GRSF1: variants seen among roughly 807,000 people sequenced by gnomAD.
GRSF1 encodes the protein G-rich sequence factor 1.
Under a neutral mutation model 51.1 loss-of-function variants are expected in GRSF1, and 50 were observed. The observed-to-expected ratio is 0.98, with a 90% CI of 0.78 to 1.24. GRSF1 has a LOEUF of 1.24. GRSF1 is among the 50% of genes most tolerant of loss of function. The pLI, the probability that GRSF1 is intolerant of heterozygous loss-of-function variation, is 0.00. For synonymous variants in GRSF1, 293 were observed against 253.3 expected (o/e 1.16, Z -1.49); for missense variants, 700 against 639.7 (o/e 1.09, Z -1.02).
In GRSF1 at chr4:70,828,058, C is replaced by A. The variant is rs770268362; in HGVS notation, c.951-22G>T. On this transcript the variant is annotated intron_variant, in intron 5 of 9. Transcript: ENST00000254799. Reference sequence around the variant, plus strand: ...GTATCTATGTCAAAGCAAAAGTAAACAGGCACAAATGGTGCAAAGTAACTT... The same window carrying A: ...GTATCTATGTCAAAGCAAAAGTAAAAAGGCACAAATGGTGCAAAGTAACTT... 1.9e-6 allele frequency: 3 copies of A among 1,585,832 alleles called. No individual in the cohort carries two copies. In the African/African-American group the frequency reaches 4.0e-5, roughly 21 times the overall value.
At chr4:70,830,118 G>C (rs1353551892) in intron 5 of GRSF1, among the ~76,000 whole-genome samples, 1 of 152,048 alleles carries the variant, frequency 6.6e-6, no homozygotes, top group East Asian at 1.9e-4. Context: ...TAAGTAAGGG[G>C]GATTTGCTCT....
At chr4:70,823,084 A>C (rs1246496492) in intron 9 of GRSF1, among the ~76,000 whole-genome samples, 1 of 151,964 alleles carries the variant, frequency 6.6e-6, no homozygotes, top group Non-Finnish European at 1.5e-5. Flanking sequence ...TCAACAAAGC[A>C]AGACTCTGTC....
chr4:70,826,627 C>G (rs1733748245), intron 6 of GRSF1, among the ~76,000 whole-genome samples: 1 of 151,686 alleles, frequency 6.6e-6, no homozygotes, highest in African/African-American at 2.4e-5. Flanking sequence ...ATCACTTGAG[C>G]CCAGGAGTTC....
Position 70,827,895 on chromosome 4 carries a change from C to G in GRSF1, c.1092G>C (p.Glu364Asp), listed in dbSNP as rs1733798636. 1 of 1,613,220 alleles carries G rather than the reference C, an allele frequency of 6.2e-7. No individual in the cohort carries two copies. The highest frequency in any genetic ancestry group is 8.5e-7 in the Non-Finnish European group (1 of 1,179,470). ...EMVFEEHEVN[E>D]DIQPMTAFES... ...CAAAAGCTGTCATGGGTTGAATATC[C>G]TCATTTACTTCATGTTCTTCAAAGA... is the stretch of plus-strand genomic sequence containing the variant. Residue 364 changes from glutamate to aspartate, a missense_variant, in exon 6 of 10, where the codon GAG (glutamate) becomes GAC (aspartate). By Grantham distance (45) the Glu-to-Asp change is conservative. Coordinates refer to ENST00000254799, the MANE Select transcript of GRSF1 (RefSeq NM_002092.4).
chr4:70,837,885 C>A (rs1734281849), intron 1 of GRSF1, among the ~76,000 whole-genome samples: 1 of 151,712 alleles, frequency 6.6e-6, no homozygotes, highest in Non-Finnish European at 1.5e-5. Context: ...GGTGATCCAC[C>A]CGCCGCAGCC....
chr4:70,830,991 G>A (rs1042464051), intron 5 of GRSF1, among the ~76,000 whole-genome samples: 4 of 152,238 alleles, frequency 2.6e-5, no homozygotes, highest in African/African-American at 9.6e-5. Context: ...TATAACAGAT[G>A]TTACATTTTA....
intron 1 of GRSF1, among the ~76,000 whole-genome samples, chr4:70,837,615 ATCTTTC>A (rs1734269899): frequency 6.7e-6 from 1 of 149,842 alleles, no homozygotes; most frequent in Admixed American, 6.6e-5. Flanking sequence ...GGACAGAGAT[ATCTTTC>A]TACTATCTGT....
chr4:70,832,368 C>G lies in GRSF1; in HGVS notation c.753G>C (p.Val251=), dbSNP rs751437520. 1 of 1,612,654 alleles carries G rather than the reference C, an allele frequency of 6.2e-7. No homozygotes were observed. The highest frequency in any genetic ancestry group is 1.1e-5 in the South Asian group (1 of 91,042). The stretch of plus-strand genomic sequence containing the variant: ...TATAAGGAAGTCCTCTCAAACGAAC[C>G]ACACCATCATTTACCACAGGCGAAG... ...VKSSPVVNDG[V]VRLRGLPYSC... The change falls in exon 4 of 10, where the codon GTG becomes GTC. Residue 251 remains valine, a synonymous_variant. Coordinates refer to ENST00000254799, the MANE Select transcript of GRSF1 (RefSeq NM_002092.4).
Position 70,839,531 on chromosome 4 carries a change from G to C in GRSF1, c.297C>G (p.Ala99=). 6.9e-7 allele frequency: 1 copy of C among 1,449,398 alleles called. No homozygotes were observed. Among genetic ancestry groups the C allele is most frequent in the Non-Finnish European group, 9.0e-7 (1 of 1,106,660 alleles). 89.8% of individuals were successfully genotyped at this position (1,449,398 alleles called of 1,614,324 possible). A position where few individuals can be genotyped will look rare whatever the true frequency, so the allele number is the denominator to read the frequency against. ...AAAASYSALR[A]SLLPQSLAAA... ...CCGCCAGCGACTGCGGCAGCAGAGAGGCACGGAGGGCAGAGTAGGACGCGG... is the reference window on the plus strand; with the variant it reads ...CCGCCAGCGACTGCGGCAGCAGAGACGCACGGAGGGCAGAGTAGGACGCGG... Residue 99 remains alanine, a synonymous_variant, in exon 1 of 10, where the codon GCC becomes GCG. Transcript: ENST00000254799.
chr4:70,829,274 G>C (rs1022155800), intron 5 of GRSF1, among the ~76,000 whole-genome samples: 1 of 151,646 alleles, frequency 6.6e-6, no homozygotes. Flanking sequence ...GATTAGATGA[G>C]CACTACTTCT....
chr4:70,842,028 G>T (rs1432438588), upstream of GRSF1, among the ~76,000 whole-genome samples: 1 of 152,206 alleles, frequency 6.6e-6, no homozygotes, highest in East Asian at 1.9e-4. Context: ...AGACAGCCTG[G>T]CTGGGAGAGG....
intron 9 of GRSF1, among the ~76,000 whole-genome samples, chr4:70,821,667 T>C (rs1204294055): frequency 8.1e-6 from 1 of 123,630 alleles, no homozygotes; most frequent in Non-Finnish European, 1.6e-5. Flanking sequence ...CCGTGTTTTT[T>C]TGTTCCTTTT....
intron 7 of GRSF1, 108 bp downstream of exon 7, chr4:70,826,016 A>C: frequency 1.1e-6 from 1 of 897,982 alleles, no homozygotes; most frequent in Non-Finnish European, 1.7e-6. Context: ...CTTACTATCC[A>C]ACGCAGAAAC....
At position 70,825,295 on chromosome 4, in the gene GRSF1, C is replaced by G. The variant is rs780190725; in HGVS notation, c.1393+1G>C. The G allele has an allele frequency of 2.5e-6, 4 of 1,599,568 alleles. No individual in the cohort carries two copies. Among genetic ancestry groups the G allele is most frequent in the Non-Finnish European group, 8.5e-7 (1 of 1,169,908 alleles). On this transcript the variant is annotated splice_donor_variant, in intron 8 of 9. Coordinates refer to ENST00000254799, the MANE Select transcript of GRSF1 (RefSeq NM_002092.4). LOFTEE classifies it high-confidence loss of function. ...CAACAAAAGCCAAAGGCAGGACTTA[C>G]GAACGTGGGACCGATCCTTGAGCAT...
In GRSF1 at chr4:70,839,792, G is replaced by A. The variant is rs1262817440; in HGVS notation, c.36C>T (p.Leu12=). ...TGCTGCAGTTACAGCCGCAGCCCCG[G>A]AGCAGCGCCCCGAGTACCCAGCGCG... ...AGTRWVLGAL[L]RGCGCNCSSC... Residue 12 remains leucine, a synonymous_variant, in exon 1 of 10, where the codon CTC becomes CTT. Coordinates refer to ENST00000254799, the MANE Select transcript of GRSF1 (RefSeq NM_002092.4). The A allele has an allele frequency of 4.0e-6, 6 of 1,505,402 alleles. No homozygotes were observed. In the Admixed American group the frequency reaches 1.2e-4, roughly 31 times the overall value. 93.3% of individuals were successfully genotyped at this position (1,505,402 alleles called of 1,614,324 possible). A position where few individuals can be genotyped will look rare whatever the true frequency, so the allele number is the denominator to read the frequency against.
intron 9 of GRSF1, 45 bp downstream of exon 9, chr4:70,824,248 GT>G (rs1733643209): frequency 1.2e-6 from 1 of 815,468 alleles, no homozygotes; most frequent in Non-Finnish European, 2.1e-6. Flanking sequence ...GGGATTACAG[GT>G]GTGAGCCACT....
chr4:70,835,553 T>C (rs1226564184), intron 2 of GRSF1, among the ~76,000 whole-genome samples: 1 of 150,010 alleles, frequency 6.7e-6, no homozygotes, highest in African/African-American at 2.4e-5. Context: ...ACCTCCCGGA[T>C]TCACACCATT....
intron 8 of GRSF1, 60 bp downstream of exon 8, chr4:70,825,236 G>A (rs1234774733): frequency 3.5e-6 from 5 of 1,410,432 alleles, no homozygotes; most frequent in African/African-American, 1.4e-5. Flanking sequence ...AACAGAAAAA[G>A]ATATTTGTAA....
rs1216754608 is a variant in GRSF1 at position 70,816,954 on chromosome 4, T to G, written c.*3933A>C. ...GAAAATGATCTTTAGGGTGTTTAGG[T>G]GGGAGAAAAGCCAAAATACAAAATA... is the stretch of plus-strand genomic sequence containing the variant. On this transcript the variant is annotated 3_prime_UTR_variant, in exon 10 of 10. Transcript: ENST00000254799. 1 of 152,050 alleles carries G rather than the reference T, an allele frequency of 6.6e-6. No homozygotes were observed. Among genetic ancestry groups the G allele is most frequent in the East Asian group, 1.9e-4 (1 of 5,194 alleles). The allele number at this position is 152,050 out of a possible 1,614,324, so 9.4% of individuals were successfully genotyped here.
Sources: gnomAD v4.1 joint callset for allele counts (sites outside exome capture counted in the v4.1 genomes callset) on GRCh38, gnomAD v4.1.1 for gene constraint, MANE v1.5 for transcripts, NCBI Gene and HGNC (gene_info 2026-07-23, HGNC 2026-07-21) for gene names.